RALYL: variants seen among roughly 807,000 people sequenced by gnomAD.
RALYL encodes RNA-binding Raly-like protein.
A neutral mutation model predicts 35.1 loss-of-function variants in RALYL; 29 were observed. The observed-to-expected ratio is 0.83, with a 90% CI of 0.61 to 1.13. RALYL has a LOEUF of 1.13. Among genes scored for constraint, RALYL ranks in the 50% most tolerant of loss-of-function variants. The pLI is 0.00. For missense variants in RALYL, 359 were observed against 360.4 expected, an observed-to-expected ratio of 1.00 and a Z score of 0.03; for synonymous variants, 120 against 127.6, an observed-to-expected ratio of 0.94 and a Z score of 0.40.
chr8:84,855,311 A>G (rs1381378564), intron 5 of RALYL, among the ~76,000 whole-genome samples: 1 of 152,192 alleles, frequency 6.6e-6, no homozygotes, highest in Admixed American at 6.5e-5. Context: ...TAGCTTAATA[A>G]CTAACATATG....
intron 1 of RALYL, among the ~76,000 whole-genome samples, chr8:84,385,828 C>T (rs934383934): frequency 7.2e-5 from 11 of 151,820 alleles, no homozygotes; most frequent in Non-Finnish European, 1.6e-4. Flanking sequence ...CTTAACTTGG[C>T]CATTCACCTT....
chr8:84,738,812 C>T lies in RALYL; in HGVS notation c.257-35767C>T, dbSNP rs184363814. 8.8e-4 allele frequency among the ~76,000 whole-genome samples: 134 copies of T among 152,046 alleles called. 1 individual carries two copies. The highest frequency in any genetic ancestry group is 1.5e-3 in the Non-Finnish European group (99 of 67,928). On this transcript the variant is annotated intron_variant, in intron 2 of 8. Coordinates refer to ENST00000521268, the MANE Select transcript of RALYL (RefSeq NM_173848.7). Reference sequence around the variant, plus strand: ...TGAACATCAATGGGGAAGTACTAACCGTAACTGCCCGAACCTATTGAGTGT... The same window carrying T: ...TGAACATCAATGGGGAAGTACTAACTGTAACTGCCCGAACCTATTGAGTGT...
intron 1 of RALYL, among the ~76,000 whole-genome samples, chr8:84,352,533 C>T (rs772832963): frequency 1.1e-4 from 16 of 150,164 alleles, no homozygotes; most frequent in Non-Finnish European, 2.2e-4. Flanking sequence ...GAATGTCAGA[C>T]AACTTAATAA....
At chr8:84,907,913 T>G (rs1227942067) in intron 8 of RALYL, among the ~76,000 whole-genome samples, 1 of 152,070 alleles carries the variant, frequency 6.6e-6, no homozygotes. Flanking sequence ...GTTCCTGCTG[T>G]CCTCTCCTGT....
Position 84,865,080 on chromosome 8 carries a change from T to G in RALYL, c.571+2627T>G, listed in dbSNP as rs559671527. On this transcript the variant is annotated intron_variant, in intron 6 of 8. Transcript: ENST00000521268. ...TAGAATCATGATTTAATATTCTTTT[T>G]AGGAGCATATTGGCAGATTACATTA... 6.6e-5 allele frequency among the ~76,000 whole-genome samples: 10 copies of G among 152,340 alleles called. No homozygotes were observed. The South Asian group carries it at 2.1e-3, about 32-fold the overall frequency.
intron 1 of RALYL, among the ~76,000 whole-genome samples, chr8:84,489,295 T>C (rs2054990992): frequency 6.6e-6 from 1 of 152,028 alleles, no homozygotes; most frequent in South Asian, 2.1e-4. Context: ...TACTAGGAGC[T>C]CTGAAACCCA....
intron 2 of RALYL, among the ~76,000 whole-genome samples, chr8:84,644,416 A>G (rs745855737): frequency 3.9e-5 from 6 of 152,094 alleles, no homozygotes; most frequent in Non-Finnish European, 7.4e-5. Context: ...TAAAATTCCT[A>G]TCCTCGTGGA....
intron 1 of RALYL, among the ~76,000 whole-genome samples, chr8:84,470,369 T>C (rs906424647): frequency 6.6e-6 from 1 of 152,106 alleles, no homozygotes; most frequent in African/African-American, 2.4e-5. Context: ...TATAACTTTG[T>C]AATGTTTGTG....
chr8:84,824,941 G>A (rs755431311), intron 4 of RALYL, among the ~76,000 whole-genome samples: 16 of 151,974 alleles, frequency 1.1e-4, no homozygotes, highest in Non-Finnish European at 1.6e-4. Context: ...ATCAGCCTTC[G>A]GAAAGAATTC....
intron 6 of RALYL, among the ~76,000 whole-genome samples, chr8:84,871,534 C>T (rs578240428): frequency 4.6e-5 from 7 of 152,228 alleles, no homozygotes; most frequent in South Asian, 2.1e-4. Context: ...ATGAGTACCA[C>T]TCTTCAAAGC....
chr8:84,834,256 G>A (rs993078088), intron 4 of RALYL, among the ~76,000 whole-genome samples: 1 of 152,148 alleles, frequency 6.6e-6, no homozygotes, highest in African/African-American at 2.4e-5. Context: ...ATCTGCAAAA[G>A]AATATTGGAA....
chr8:84,230,912 C>T (rs1370670540), intron 1 of RALYL, among the ~76,000 whole-genome samples: 2 of 152,172 alleles, frequency 1.3e-5, no homozygotes, highest in East Asian at 1.9e-4. Flanking sequence ...ATTTCAAAGC[C>T]CATGCTCTTG....
At chr8:84,716,186 G>A (rs900662420) in intron 2 of RALYL, among the ~76,000 whole-genome samples, 4 of 152,118 alleles carry the variant, frequency 2.6e-5, no homozygotes, top group Non-Finnish European at 5.9e-5. Context: ...CAGGCAATGG[G>A]AATGTTGACT....
intron 1 of RALYL, among the ~76,000 whole-genome samples, chr8:84,506,090 G>C (rs939194476): frequency 2.0e-5 from 3 of 151,928 alleles, no homozygotes; most frequent in African/African-American, 7.2e-5. Flanking sequence ...TGGAATTTCT[G>C]GTTTATTTCT....
intron 1 of RALYL, among the ~76,000 whole-genome samples, chr8:84,189,451 A>G (rs999374746): frequency 6.6e-6 from 1 of 152,218 alleles, no homozygotes; most frequent in African/African-American, 2.4e-5. Flanking sequence ...CATTTCGGAA[A>G]TTATTAACAG....
At chr8:84,379,861 CAAAA>C (rs201626471) in intron 1 of RALYL, among the ~76,000 whole-genome samples, 1 of 126,470 alleles carries the variant, frequency 7.9e-6, no homozygotes, top group Non-Finnish European at 1.7e-5. Context: ...CTCTCAAGCT[CAAAA>C]AAAAAAAAGA....
At chr8:84,598,430 G>A (rs763258764) in intron 2 of RALYL, among the ~76,000 whole-genome samples, 11 of 152,136 alleles carry the variant, frequency 7.2e-5, no homozygotes, top group Non-Finnish European at 8.8e-5. Flanking sequence ...ATGCAGAATA[G>A]TAAGTCCTCC....
chr8:84,807,543 G>C (rs1464277378), intron 4 of RALYL, among the ~76,000 whole-genome samples: 5 of 152,140 alleles, frequency 3.3e-5, no homozygotes, highest in African/African-American at 1.2e-4. Flanking sequence ...GAGTGGGATT[G>C]CTGGATCAAA....
intron 7 of RALYL, among the ~76,000 whole-genome samples, chr8:84,884,675 T>A (rs184327967): frequency 6.6e-6 from 1 of 152,174 alleles, no homozygotes; most frequent in African/African-American, 2.4e-5. Flanking sequence ...TATATGTCAA[T>A]CTTAAGCAAA....
Sources: gnomAD v4.1 joint callset for allele counts (sites outside exome capture counted in the v4.1 genomes callset) on GRCh38, gnomAD v4.1.1 for gene constraint, MANE v1.5 for transcripts, NCBI Gene and HGNC (gene_info 2026-07-23, HGNC 2026-07-21) for gene names.